The following EXT1 variants were observed in gnomAD, a reference collection of about 807,000 sequenced individuals.
EXT1 encodes the protein exostosin glycosyltransferase 1.
In EXT1, 20 loss-of-function variants were observed where a neutral mutation model predicts 82.5. The ratio of observed to expected loss-of-function variants is 0.24; its 90% CI spans 0.17 to 0.35. The LOEUF is 0.35. EXT1 is among the 10% of genes least tolerant of loss of function. The probability of loss-of-function intolerance (pLI) is 1.00; values close to 1 mark genes in which losing one functional copy is unlikely to be tolerated. For missense variants in EXT1, 757 were observed against 936.5 expected (o/e 0.81, Z 2.50); for synonymous variants, 348 against 350.8 (o/e 0.99, Z 0.09).
chr8:118,091,994 A>G (rs760868012), intron 1 of EXT1, among the ~76,000 whole-genome samples: 8 of 152,230 alleles, frequency 5.3e-5, no homozygotes, highest in Non-Finnish European at 1.2e-4. Context: ...GAAACAGATT[A>G]AAAACAAATA....
At chr8:118,013,236 G>A (rs985828065) in intron 1 of EXT1, among the ~76,000 whole-genome samples, 2 of 151,922 alleles carry the variant, frequency 1.3e-5, no homozygotes, top group Admixed American at 6.6e-5. Context: ...TTGAGACAGA[G>A]TCTCACTCTG....
intron 1 of EXT1, among the ~76,000 whole-genome samples, chr8:117,991,503 T>A (rs913590448): frequency 6.6e-6 from 1 of 152,042 alleles, no homozygotes. Flanking sequence ...TGGTTCTGAG[T>A]CTCTTCTTTG....
intron 1 of EXT1, among the ~76,000 whole-genome samples, chr8:117,942,146 C>A (rs1481306675): frequency 6.6e-6 from 1 of 152,282 alleles, no homozygotes; most frequent in East Asian, 1.9e-4. Context: ...AAATCCAATT[C>A]TTCTACTCTT....
At chr8:118,086,919 G>A (rs952305030) in intron 1 of EXT1, among the ~76,000 whole-genome samples, 2 of 152,194 alleles carry the variant, frequency 1.3e-5, no homozygotes, top group Admixed American at 6.5e-5. Context: ...GTAAAACCCC[G>A]TGTTTTGATT....
intron 1 of EXT1, among the ~76,000 whole-genome samples, chr8:117,939,836 C>A (rs1008703815): frequency 2.0e-5 from 3 of 152,182 alleles, no homozygotes; most frequent in Non-Finnish European, 4.4e-5. Context: ...AACGCAAAAA[C>A]CACATCTTAT....
chr8:118,071,795 G>C (rs1215391731), intron 1 of EXT1, among the ~76,000 whole-genome samples: 1 of 152,138 alleles, frequency 6.6e-6, no homozygotes, highest in African/African-American at 2.4e-5. Context: ...TCTTTAGGTA[G>C]AGAATATGAT....
intron 8 of EXT1, among the ~76,000 whole-genome samples, chr8:117,807,802 A>G (rs1242584867): frequency 6.6e-6 from 1 of 152,210 alleles, no homozygotes; most frequent in Non-Finnish European, 1.5e-5. Flanking sequence ...TATCATACCC[A>G]GCATATATCA....
At chr8:117,862,596 G>A (rs1812704083) in intron 1 of EXT1, among the ~76,000 whole-genome samples, 1 of 145,170 alleles carries the variant, frequency 6.9e-6, no homozygotes, top group Non-Finnish European at 1.5e-5. Context: ...TTCCATCCAG[G>A]CACTGCTGGA....
chr8:117,831,771 T>A (rs1563574161), intron 3 of EXT1: 1 of 440,020 alleles, frequency 2.3e-6, no homozygotes, highest in African/African-American at 2.0e-5. Context: ...GCACATTTTT[T>A]AATTCAGCAC....
intron 1 of EXT1, among the ~76,000 whole-genome samples, chr8:118,073,614 GGAAGAGAAGAGAAGAGAAAGAAGA>G (rs1358764156): frequency 1.8e-3 from 257 of 139,974 alleles, no homozygotes; most frequent in African/African-American, 6.1e-3. Context: ...AGAGAGGAAA[GGAAGAGAAGAGAAGAGAAAGAAGA>G]GAAGAGAAGA....
chr8:117,967,770 G>C (rs1264054549), intron 1 of EXT1, among the ~76,000 whole-genome samples: 1 of 152,216 alleles, frequency 6.6e-6, no homozygotes, highest in Non-Finnish European at 1.5e-5. Flanking sequence ...ACAGTGCTGA[G>C]AGTTACTTTT....
chr8:117,948,320 CAAAAAAA>C (rs34394392), intron 1 of EXT1, among the ~76,000 whole-genome samples: 2 of 51,926 alleles, frequency 3.9e-5, no homozygotes, highest in South Asian at 9.6e-4. Flanking sequence ...CTGCCCTTGC[CAAAAAAA>C]AAAAAAAAAA....
chr8:118,093,041 G>C (rs933917220), intron 1 of EXT1, among the ~76,000 whole-genome samples: 3 of 152,072 alleles, frequency 2.0e-5, no homozygotes, highest in Non-Finnish European at 4.4e-5. Flanking sequence ...AATTAAAGGA[G>C]TTCATTGGAA....
rs147141834 is a variant in EXT1, at chr8:117,879,592, T to C, written c.963-42391A>G. 2.0e-3 allele frequency among the ~76,000 whole-genome samples: 300 copies of C among 152,330 alleles called. 1 individual carries two copies. Among genetic ancestry groups the C allele is most frequent in the Non-Finnish European group, 2.7e-3 (187 of 68,026 alleles). ...ACACTAACCTCTTGAATTTTTGTTA[T>C]GCATCAATTAGATGAAATTAGAATA... is the stretch of plus-strand genomic sequence containing the variant. On this transcript the variant is annotated intron_variant, in intron 1 of 10. Transcript: ENST00000378204.
intron 1 of EXT1, among the ~76,000 whole-genome samples, chr8:117,896,335 T>C (rs891891463): frequency 6.6e-6 from 1 of 152,242 alleles, no homozygotes; most frequent in Non-Finnish European, 1.5e-5. Flanking sequence ...TTTCTAAGCA[T>C]CTTTAACACA....
In EXT1 at chr8:117,873,145, C is replaced by T. The variant is rs1417035722; in HGVS notation, c.963-35944G>A. On this transcript the variant is annotated intron_variant, in intron 1 of 10. Coordinates refer to ENST00000378204, the MANE Select transcript of EXT1 (RefSeq NM_000127.3). ...AGCCACATGAGAATACGATGACAAG[C>T]CCGCAGTCTGTAACCTGAAAGAGGG... 3.9e-5 allele frequency among the ~76,000 whole-genome samples: 6 copies of T among 152,132 alleles called. No individual in the cohort carries two copies. In the East Asian group the frequency reaches 1.2e-3, roughly 29 times the overall value.
chr8:118,096,677 AGGGAGGG>A (rs1817623496), intron 1 of EXT1, among the ~76,000 whole-genome samples: 2 of 87,048 alleles, frequency 2.3e-5, no homozygotes, highest in African/African-American at 1.3e-4. Flanking sequence ...GAAGGAAGGG[AGGGAGGG>A]AGGGAGGGAA....
chr8:117,871,115 A>G (rs1204128585), intron 1 of EXT1, among the ~76,000 whole-genome samples: 1 of 152,168 alleles, frequency 6.6e-6, no homozygotes, highest in Non-Finnish European at 1.5e-5. Flanking sequence ...TGCATCTTAC[A>G]GAAGTATTTA....
At chr8:117,875,941 A>G (rs1170598105) in intron 1 of EXT1, among the ~76,000 whole-genome samples, 1 of 152,218 alleles carries the variant, frequency 6.6e-6, no homozygotes, top group African/African-American at 2.4e-5. Context: ...GCTAGTGAAA[A>G]GAGAAATGCT....
Sources: allele counts gnomAD v4.1 joint callset (sites outside exome capture counted in the v4.1 genomes callset), GRCh38; gene constraint gnomAD v4.1.1; transcripts MANE v1.5; gene names NCBI Gene and HGNC (gene_info 2026-07-23, HGNC 2026-07-21).